Variants in ACER3 observed in about 807,000 individuals in gnomAD.
ACER3 encodes alkaline ceramidase 3.
In ACER3, 16 loss-of-function variants were observed where a neutral mutation model predicts 48.9. That is an observed-to-expected ratio of 0.33 (90% CI 0.22 to 0.50). The LOEUF is 0.50. Ranked by LOEUF, ACER3 falls within the 20% of genes least tolerant of loss-of-function variation. The pLI, the probability that ACER3 is intolerant of heterozygous loss-of-function variation, is 0.98. For synonymous variants in ACER3, 109 were observed against 107.8 expected, an observed-to-expected ratio of 1.01 and a Z score of -0.07; for missense variants, 227 against 326.0, an observed-to-expected ratio of 0.70 and a Z score of 2.34.
chr11:76,861,212 G>T (rs1004766867), intron 1 of ACER3, 133 bp downstream of exon 1: 3 of 805,974 alleles, frequency 3.7e-6, no homozygotes, highest in South Asian at 1.9e-5. Flanking sequence ...GGAATGCGGC[G>T]CCCTGGGCCA....
At chr11:76,876,271 AT>A (rs34935186) in intron 1 of ACER3, among the ~76,000 whole-genome samples, 18 of 148,002 alleles carry the variant, frequency 1.2e-4, no homozygotes, top group African/African-American at 3.0e-4. Flanking sequence ...CACTGTTCTG[AT>A]TTTTTTTTTT....
rs1427598124 is a variant in ACER3 at position 76,948,211 on chromosome 11, C to CTGTGTATGTGTGTG, written c.215-10763_215-10762insATGTGTGTGTGTGT. ...TGCTGTAGCTCCATTCTGGCTCACT[C>CTGTGTATGTGTGTG]TGTGTGTGTGTGTGTGTGTGTGTGT... On this transcript the variant is annotated intron_variant, in intron 2 of 10. Coordinates refer to ENST00000532485, the MANE Select transcript of ACER3 (RefSeq NM_018367.7). Among the ~76,000 whole-genome samples the CTGTGTATGTGTGTG allele has an allele frequency of 3.7e-5, 5 of 135,664 alleles. 1 individual carries two copies. Among genetic ancestry groups the CTGTGTATGTGTGTG allele is most frequent in the African/African-American group, 1.4e-4 (5 of 37,018 alleles). The allele number at this position is 135,664 out of a possible 152,430, so 89.0% of individuals were successfully genotyped here. A position where few individuals can be genotyped will look rare whatever the true frequency, so the allele number is the denominator to read the frequency against.
intron 7 of ACER3, among the ~76,000 whole-genome samples, chr11:77,013,173 A>C (rs1949302416): frequency 6.6e-6 from 1 of 152,206 alleles, no homozygotes; most frequent in Admixed American, 6.5e-5. Context: ...AAGATTATAG[A>C]ACTTCTAAAA....
chr11:76,868,391 C>CTCTG (rs1242026333), intron 1 of ACER3: 24 of 175,082 alleles, frequency 1.4e-4, no homozygotes, highest in Admixed American at 8.5e-4. Flanking sequence ...CTCTCTCTCT[C>CTCTG]TGTGTGTGTG....
chr11:76,909,811 A>T (rs1393554501), intron 1 of ACER3, among the ~76,000 whole-genome samples: 1 of 152,174 alleles, frequency 6.6e-6, no homozygotes, highest in Non-Finnish European at 1.5e-5. Context: ...CTATAAAGAC[A>T]CATGCACACG....
At chr11:76,933,173 C>CATATATATATATATAT (rs144524712) in intron 2 of ACER3, among the ~76,000 whole-genome samples, 2,076 of 129,442 alleles carry the variant, frequency 0.016, 48 homozygotes, top group East Asian at 0.075. Context: ...ATACGTATTT[C>CATATATATATATATAT]ATATATATAT....
chr11:76,934,541 A>C (rs1393245501), intron 2 of ACER3, among the ~76,000 whole-genome samples: 1 of 152,260 alleles, frequency 6.6e-6, no homozygotes, highest in East Asian at 1.9e-4. Flanking sequence ...TACGAAAACC[A>C]GTCAGGCGTG....
chr11:76,951,285 T>G (rs1236300506), intron 2 of ACER3, among the ~76,000 whole-genome samples: 1 of 152,242 alleles, frequency 6.6e-6, no homozygotes, highest in African/African-American at 2.4e-5. Context: ...CTTTTGTGTC[T>G]TGCTGATTTT....
chr11:76,949,076 A>ATG (rs202033062), intron 2 of ACER3, among the ~76,000 whole-genome samples: 1 of 94,276 alleles, frequency 1.1e-5, no homozygotes. Context: ...GTCAAAATAA[A>ATG]TGTGTATCGG....
intron 1 of ACER3, among the ~76,000 whole-genome samples, chr11:76,915,190 A>T (rs572934253): frequency 6.3e-5 from 9 of 142,530 alleles, no homozygotes; most frequent in East Asian, 4.3e-4. Context: ...AGTATAATTT[A>T]AAAAAAGGAA....
intron 5 of ACER3, among the ~76,000 whole-genome samples, chr11:76,987,678 C>G (rs1948712430): frequency 1.3e-5 from 2 of 152,142 alleles, no homozygotes; most frequent in Non-Finnish European, 2.9e-5. Context: ...TGGCTCACAC[C>G]TGTAATCCCA....
At chr11:77,004,467 GT>G (rs1396019102) in intron 7 of ACER3, among the ~76,000 whole-genome samples, 1 of 152,130 alleles carries the variant, frequency 6.6e-6, no homozygotes, top group East Asian at 1.9e-4. Flanking sequence ...CTGTATCATT[GT>G]TGATTCTCTA....
intron 4 of ACER3, among the ~76,000 whole-genome samples, chr11:76,979,340 T>C (rs1948525670): frequency 6.6e-6 from 1 of 152,196 alleles, no homozygotes. Flanking sequence ...GGCTCTGACC[T>C]TTACTAAAAC....
chr11:76,877,074 G>GTAC (rs1945400447), intron 1 of ACER3, among the ~76,000 whole-genome samples: 1 of 152,056 alleles, frequency 6.6e-6, no homozygotes, highest in Non-Finnish European at 1.5e-5. Flanking sequence ...ATAAAGATTA[G>GTAC]TACTTTTATA....
At chr11:76,867,492 AAAAAAGAAAG>A (rs1945124865) in intron 1 of ACER3, among the ~76,000 whole-genome samples, 1 of 42,648 alleles carries the variant, frequency 2.3e-5, no homozygotes, top group African/African-American at 4.7e-5. Flanking sequence ...AAAAAAAAAA[AAAAAAGAAAG>A]AAAAGTAGCT....
At chr11:76,885,120 T>G (rs1230566204) in intron 1 of ACER3, among the ~76,000 whole-genome samples, 1 of 152,126 alleles carries the variant, frequency 6.6e-6, no homozygotes, top group Admixed American at 6.6e-5. Context: ...TGGTTTGAAG[T>G]ATTTATTATC....
chr11:76,948,245 G>A (rs912115190), intron 2 of ACER3, among the ~76,000 whole-genome samples: 6 of 151,570 alleles, frequency 4.0e-5, no homozygotes, highest in African/African-American at 1.5e-4. Context: ...GTGTGTGTGT[G>A]TGTGTGTGTG....
At chr11:76,900,701 T>G (rs988206181) in intron 1 of ACER3, among the ~76,000 whole-genome samples, 1 of 152,202 alleles carries the variant, frequency 6.6e-6, no homozygotes, top group Non-Finnish European at 1.5e-5. Flanking sequence ...TCTGCCAGAT[T>G]GTCTAATGTC....
intron 4 of ACER3, among the ~76,000 whole-genome samples, chr11:76,978,247 C>T (rs533330581): frequency 5.9e-5 from 9 of 152,312 alleles, no homozygotes; most frequent in East Asian, 1.9e-4. Context: ...CTGTCATTTC[C>T]GGGTGGAGTC....
Sources: allele counts gnomAD v4.1 joint callset (sites outside exome capture counted in the v4.1 genomes callset), GRCh38; gene constraint gnomAD v4.1.1; transcripts MANE v1.5; gene names NCBI Gene and HGNC (gene_info 2026-07-23, HGNC 2026-07-21).